SEC22B: variants seen among roughly 807,000 people sequenced by gnomAD.
SEC22B encodes vesicle-trafficking protein SEC22b.
SEC22B carries 10 observed loss-of-function variants against 31.4 expected under a neutral mutation model. The observed-to-expected ratio is 0.32, with a 90% confidence interval of 0.20 to 0.54. SEC22B has a LOEUF of 0.54. SEC22B is among the 20% of genes least tolerant of loss of function. SEC22B has a pLI of 0.94. For missense variants in SEC22B, 130 were observed against 263.4 expected (o/e 0.49, Z 3.50); for synonymous variants, 60 against 95.9 (o/e 0.63, Z 2.19).
intron 1 of SEC22B, among the ~76,000 whole-genome samples, chr1:120,169,900 C>A (rs1429454763): frequency 1.7e-4 from 26 of 149,318 alleles, no homozygotes; most frequent in Non-Finnish European, 2.8e-4. Flanking sequence ...TCCTAACCCC[C>A]CAAAGTGATG....
rs1657528978 is a variant in SEC22B at position 120,151,219 on chromosome 1, TTGAC to T, written c.*5815_*5818del. The T allele has an allele frequency of 6.6e-6, 1 of 152,072 alleles. No individual in the cohort carries two copies. Among genetic ancestry groups the T allele is most frequent in the Non-Finnish European group, 1.5e-5 (1 of 68,020 alleles). 9.4% of individuals were successfully genotyped at this position (152,072 alleles called of 1,614,324 possible). A position where few individuals can be genotyped will look rare whatever the true frequency, so the allele number is the denominator to read the frequency against. On this transcript the variant is annotated 3_prime_UTR_variant, in exon 5 of 5. Coordinates refer to ENST00000578049, the MANE Select transcript of SEC22B (RefSeq NM_004892.6). Reference sequence around the variant, plus strand: ...TGAGCCAAGGCACAAGGTAAAATGTTTGACTGGTTAGAGACGCTAGATTATTTTG... The same window carrying T: ...TGAGCCAAGGCACAAGGTAAAATGTTTGGTTAGAGACGCTAGATTATTTTG...
chr1:120,172,798 T>C (rs1657910867), intron 1 of SEC22B, among the ~76,000 whole-genome samples: 1 of 91,204 alleles, frequency 1.1e-5, no homozygotes, highest in Non-Finnish European at 1.9e-5. Flanking sequence ...TATGATATAA[T>C]TATGAGATAT....
intron 2 of SEC22B, among the ~76,000 whole-genome samples, chr1:120,163,699 C>G (rs1657756498): frequency 6.6e-6 from 1 of 151,822 alleles, no homozygotes; most frequent in African/African-American, 2.4e-5. Context: ...CCTCAGCCTC[C>G]CGAGCAGCTG....
At chr1:120,167,424 T>C (rs1657829777) in intron 2 of SEC22B, among the ~76,000 whole-genome samples, 1 of 152,040 alleles carries the variant, frequency 6.6e-6, no homozygotes, top group East Asian at 1.9e-4. Context: ...CTCTTTTAAA[T>C]ACCTGGAGAA....
At chr1:120,167,746 G>A (rs1657834758) in intron 2 of SEC22B, among the ~76,000 whole-genome samples, 1 of 152,022 alleles carries the variant, frequency 6.6e-6, no homozygotes, top group Admixed American at 6.6e-5. Context: ...ATAGCTCTTG[G>A]ATGGAAATAA....
intron 2 of SEC22B, among the ~76,000 whole-genome samples, chr1:120,164,696 TGCTATTGTG>T (rs1657778811): frequency 6.6e-6 from 1 of 152,268 alleles, no homozygotes; most frequent in Non-Finnish European, 1.5e-5. Flanking sequence ...TTGATATCTT[TGCTATTGTG>T]AATAGTGCTG....
At position 120,163,195 on chromosome 1, in the gene SEC22B, G is replaced by A. The variant is rs1395866986; in HGVS notation, c.346+15C>T. The stretch of plus-strand genomic sequence containing the variant: ...TTGCTCCCTTGATAGAGAGAAGTGA[G>A]GGGCAAAAACTTACCAAATTCAATA... On this transcript the variant is annotated intron_variant, in intron 3 of 4. Transcript: ENST00000578049. 4.8e-6 allele frequency: 6 copies of A among 1,250,632 alleles called. No individual in the cohort carries two copies. The highest frequency in any genetic ancestry group is 6.6e-6 in the Non-Finnish European group (6 of 916,024). 77.5% of individuals were successfully genotyped at this position (1,250,632 alleles called of 1,614,324 possible). A position where few individuals can be genotyped will look rare whatever the true frequency, so the allele number is the denominator to read the frequency against.
In SEC22B at chr1:120,176,491, G is replaced by C; in HGVS notation, c.-110C>G. 2 of 956,856 alleles carry C rather than the reference G, an allele frequency of 2.1e-6. No homozygotes were observed. The highest frequency in any genetic ancestry group is 4.4e-5 in the Admixed American group (2 of 45,514). The allele number at this position is 956,856 out of a possible 1,614,324, so 59.3% of individuals were successfully genotyped here. A position where few individuals can be genotyped will look rare whatever the true frequency, so the allele number is the denominator to read the frequency against. On this transcript the variant is annotated 5_prime_UTR_variant, in exon 1 of 5. Coordinates refer to ENST00000578049, the MANE Select transcript of SEC22B (RefSeq NM_004892.6). The stretch of plus-strand genomic sequence containing the variant: ...CTATGTCTCAGTTACCGGAGATCCA[G>C]CTGCTTGCGTCTCCGCTTCCCGCTG...
intron 4 of SEC22B, among the ~76,000 whole-genome samples, chr1:120,159,580 A>C (rs1352774850): frequency 6.7e-6 from 1 of 150,168 alleles, no homozygotes; most frequent in African/African-American, 2.4e-5. Flanking sequence ...GGTATTTAAT[A>C]AATATATTTA....
In SEC22B at chr1:120,163,334, T is replaced by A. The variant is rs1372259337; in HGVS notation, c.222A>T (p.Leu74Phe). 27 of 1,607,048 alleles carry A rather than the reference T, an allele frequency of 1.7e-5. No individual in the cohort carries two copies. The highest frequency in any genetic ancestry group is 2.2e-5 in the Non-Finnish European group (26 of 1,176,766). ...IIEQGVCYLV[L>F]CEAAFPKKLA... Reference sequence around the variant, plus strand: ...ACTTCTTAGGGAAGGCAGCTTCACATAAAACCAAATAACACACCCCCTGCT... The same window carrying A: ...ACTTCTTAGGGAAGGCAGCTTCACAAAAAACCAAATAACACACCCCCTGCT... Residue 74 changes from leucine (L) to phenylalanine (F), a missense_variant, in exon 3 of 5, where the codon TTA (leucine) becomes TTT (phenylalanine). Transcript: ENST00000578049.
chr1:120,171,182 C>A (rs1466011942), intron 1 of SEC22B, among the ~76,000 whole-genome samples: 1 of 131,000 alleles, frequency 7.6e-6, no homozygotes, highest in Non-Finnish European at 1.5e-5. Context: ...GCTGTGATAT[C>A]GGTATTTTTT....
Position 120,163,375 on chromosome 1 carries a change from T to A in SEC22B, c.186-5A>T. On this transcript the variant is annotated splice_region_variant and splice_polypyrimidine_tract_variant and intron_variant, in intron 2 of 4. Coordinates refer to ENST00000578049, the MANE Select transcript of SEC22B (RefSeq NM_004892.6). ...ACCCCCTGCTCAATAATGTAGCTGG[T>A]GAGACATAAAAAGCAAGACAAAGTT... 1 of 1,560,070 alleles carries A rather than the reference T, an allele frequency of 6.4e-7. No individual in the cohort carries two copies. Among genetic ancestry groups the A allele is most frequent in the Non-Finnish European group, 8.7e-7 (1 of 1,154,674 alleles).
rs1314396649 is a variant in SEC22B at position 120,156,243 on chromosome 1, C to G, written c.*795G>C. 1 of 152,134 alleles carries G rather than the reference C, an allele frequency of 6.6e-6. No homozygotes were observed. The highest frequency in any genetic ancestry group is 1.5e-5 in the Non-Finnish European group (1 of 68,000). The allele number at this position is 152,134 out of a possible 1,614,324, so 9.4% of individuals were successfully genotyped here. On this transcript the variant is annotated 3_prime_UTR_variant, in exon 5 of 5. Transcript: ENST00000578049. ...CATGAAGCCAGGGGCCTCTCCATATCCTATACTTGCTCTTACGCTAATAAC... is the reference window on the plus strand; with the variant it reads ...CATGAAGCCAGGGGCCTCTCCATATGCTATACTTGCTCTTACGCTAATAAC...
rs1220389975 is a variant in SEC22B at position 120,156,863 on chromosome 1, A to G, written c.*175T>C. The G allele has an allele frequency of 2.4e-6, 1 of 412,312 alleles. No individual in the cohort carries two copies. The highest frequency in any genetic ancestry group is 4.3e-5 in the Admixed American group (1 of 23,002). The allele number at this position is 412,312 out of a possible 1,614,324, so 25.5% of individuals were successfully genotyped here. On this transcript the variant is annotated 3_prime_UTR_variant, in exon 5 of 5. Transcript: ENST00000578049. ...GAAAGAGACTTTCTACATAGGGTTA[A>G]GCTTCATTAAATGAGGTGCAACCTT...
At chr1:120,157,715 A>C (rs1657652229) in intron 4 of SEC22B, 1 of 145,218 alleles carries the variant, frequency 6.9e-6, no homozygotes, top group Non-Finnish European at 1.5e-5. Flanking sequence ...AAACTCAGAT[A>C]ACCAGAAAAT....
In SEC22B at chr1:120,154,838, CCTT is replaced by C. The variant is rs1290917153; in HGVS notation, c.*2197_*2199del. ...GACTCTTCCTAGAATGCCCCATTCT[CCTT>C]CTCTAGAAAGTCTTCTCTTAACATA... On this transcript the variant is annotated 3_prime_UTR_variant, in exon 5 of 5. Transcript: ENST00000578049. 1.1e-4 allele frequency: 15 copies of C among 132,406 alleles called. No homozygotes were observed. The highest frequency in any genetic ancestry group is 2.3e-4 in the Non-Finnish European group (14 of 61,804). 8.2% of individuals were successfully genotyped at this position (132,406 alleles called of 1,614,324 possible).
Position 120,171,002 on chromosome 1 carries a change from G to T in SEC22B, c.76-2053C>A, listed in dbSNP as rs1208559227. ...ATTTAAAATTCTTTAATAAAAAAAA[G>T]AAATATTTTTATTATTTCTTGGCTC... On this transcript the variant is annotated intron_variant, in intron 1 of 4. Transcript: ENST00000578049. 4.4e-3 allele frequency among the ~76,000 whole-genome samples: 547 copies of T among 125,230 alleles called. 57 individuals are homozygous for T. The highest frequency in any genetic ancestry group is 5.8e-3 in the Non-Finnish European group (378 of 64,776). 82.2% of individuals were successfully genotyped at this position (125,230 alleles called of 152,430 possible). A position where few individuals can be genotyped will look rare whatever the true frequency, so the allele number is the denominator to read the frequency against.
intron 1 of SEC22B, 84 bp from the exon 2 acceptor site, chr1:120,169,033 G>C (rs1657853797): frequency 2.3e-6 from 1 of 443,984 alleles, no homozygotes; most frequent in Non-Finnish European, 3.9e-6. Context: ...AGGACACTCT[G>C]AATGAGGTCC....
At chr1:120,175,776 C>G (rs1453759291) in intron 1 of SEC22B, among the ~76,000 whole-genome samples, 6 of 152,058 alleles carry the variant, frequency 3.9e-5, no homozygotes, top group African/African-American at 1.4e-4. Flanking sequence ...GAATGTGGTA[C>G]GGCGTATTGG....
Sources: gnomAD v4.1 joint callset for allele counts (sites outside exome capture counted in the v4.1 genomes callset) on GRCh38, gnomAD v4.1.1 for gene constraint, MANE v1.5 for transcripts, NCBI Gene and HGNC (gene_info 2026-07-23, HGNC 2026-07-21) for gene names.